The following DNAH6 variants were observed in gnomAD, a reference collection of about 807,000 sequenced individuals.
The protein encoded by DNAH6 is axonemal beta dynein heavy chain 6.
In DNAH6, 340 loss-of-function variants were observed where a neutral mutation model predicts 491.4. That is an observed-to-expected ratio of 0.69 (90% CI 0.63 to 0.76). The LOEUF (loss-of-function observed/expected upper bound fraction) is 0.76. DNAH6 is among the 30% of genes least tolerant of loss of function. DNAH6 has a pLI of 0.00. For synonymous variants in DNAH6, 1,603 were observed against 1,686.1 expected, an observed-to-expected ratio of 0.95 and a Z score of 1.21; for missense variants, 4,443 against 4,972.2, an observed-to-expected ratio of 0.89 and a Z score of 3.20.
chr2:84,657,095 C>G (rs1389402363), intron 35 of DNAH6, among the ~76,000 whole-genome samples: 1 of 152,038 alleles, frequency 6.6e-6, no homozygotes, highest in Non-Finnish European at 1.5e-5. Context: ...ACTGTCCTTT[C>G]TCCATCAGAT....
Position 84,670,453 on chromosome 2 carries a change from G to A in DNAH6, c.6432G>A (p.Glu2144=), listed in dbSNP as rs1353016187. The change falls in exon 39 of 77, where the codon GAG becomes GAA. Residue 2144 remains glutamate (E), a synonymous_variant. Transcript: ENST00000389394. ...AAGAGATCATTGAGTCAAAACTGGAGAGAAAAAGAAAAAATATTCTAGGTA... is the reference window on the plus strand; with the variant it reads ...AAGAGATCATTGAGTCAAAACTGGAAAGAAAAAGAAAAAATATTCTAGGTA... ...RTQEIIESKL[E]RKRKNILGAP... 9.8e-6 allele frequency: 15 copies of A among 1,529,594 alleles called. No homozygotes were observed. Among genetic ancestry groups the A allele is most frequent in the Middle Eastern group, 1.7e-4 (1 of 5,918 alleles). 94.8% of individuals were successfully genotyped at this position (1,529,594 alleles called of 1,614,324 possible).
At chr2:84,553,229 C>T (rs143747373) in intron 10 of DNAH6, among the ~76,000 whole-genome samples, 195 bp downstream of exon 10, 44 of 152,310 alleles carry the variant, frequency 2.9e-4, no homozygotes, top group African/African-American at 9.6e-4. Flanking sequence ...TTATCTTTAA[C>T]TTGAGTCAGA....
chr2:84,811,026 G>GCC (rs1679919260), intron 72 of DNAH6, among the ~76,000 whole-genome samples: 1 of 152,206 alleles, frequency 6.6e-6, no homozygotes, highest in Non-Finnish European at 1.5e-5. Flanking sequence ...TATCATGGAG[G>GCC]ATGGTCTTGG....
At chr2:84,622,201 C>G (rs1387190050) in intron 26 of DNAH6, among the ~76,000 whole-genome samples, 1 of 152,312 alleles carries the variant, frequency 6.6e-6, no homozygotes, top group East Asian at 1.9e-4. Flanking sequence ...GATTATCCTT[C>G]TATGACTGAC....
intron 22 of DNAH6, 35 bp from the exon 23 acceptor site, chr2:84,616,851 C>A: frequency 8.5e-7 from 1 of 1,183,276 alleles, no homozygotes; most frequent in Non-Finnish European, 1.1e-6. Flanking sequence ...GATTTTAACA[C>A]AGTTTTACCA....
At chr2:84,743,206 G>A (rs1672671148) in intron 62 of DNAH6, among the ~76,000 whole-genome samples, 1 of 152,170 alleles carries the variant, frequency 6.6e-6, no homozygotes, top group South Asian at 2.1e-4. Context: ...GAAAAGCAAA[G>A]TAATTATAGG....
chr2:84,665,989 A>G lies in DNAH6; in HGVS notation c.6085-3300A>G, dbSNP rs141504739. ...CGTAATGCATCATATAAACAGAACC[A>G]GTGACAAAAACCACATGATTATCTC... On this transcript the variant is annotated intron_variant, in intron 37 of 76. Transcript: ENST00000389394. Among the ~76,000 whole-genome samples, 895 of 152,324 alleles carry G rather than the reference A, an allele frequency of 5.9e-3. 10 individuals are homozygous for G. Among genetic ancestry groups the G allele is most frequent in the Non-Finnish European group, 6.0e-3 (411 of 68,030 alleles).
chr2:84,670,913 T>C (rs1692681235), intron 39 of DNAH6, among the ~76,000 whole-genome samples: 1 of 152,164 alleles, frequency 6.6e-6, no homozygotes, highest in South Asian at 2.1e-4. Flanking sequence ...TATTAACTGC[T>C]TAGATAACTA....
chr2:84,545,975 T>G (rs1165345388), intron 5 of DNAH6, among the ~76,000 whole-genome samples: 4 of 152,224 alleles, frequency 2.6e-5, no homozygotes, highest in African/African-American at 7.2e-5. Flanking sequence ...TTTTAGTATA[T>G]TCACAGAATT....
intron 56 of DNAH6, among the ~76,000 whole-genome samples, chr2:84,712,378 C>T (rs1158189950): frequency 2.0e-5 from 3 of 152,036 alleles, no homozygotes; most frequent in East Asian, 3.9e-4. Context: ...GCCATGGGAC[C>T]CCCATCACAT....
chr2:84,751,658 C>A (rs1206892095), intron 63 of DNAH6, among the ~76,000 whole-genome samples: 1 of 152,202 alleles, frequency 6.6e-6, no homozygotes, highest in Admixed American at 6.5e-5. Context: ...AAAAAAACTA[C>A]CGTAATTCAG....
intron 62 of DNAH6, among the ~76,000 whole-genome samples, chr2:84,743,570 C>G (rs544820327): frequency 1.6e-4 from 25 of 152,262 alleles, no homozygotes; most frequent in African/African-American, 4.6e-4. Flanking sequence ...GCCTGTAATC[C>G]TAGCACTTTT....
chr2:84,561,202 G>T (rs934085540), intron 11 of DNAH6, among the ~76,000 whole-genome samples: 1 of 152,098 alleles, frequency 6.6e-6, no homozygotes, highest in African/African-American at 2.4e-5. Context: ...ATAGATCAAT[G>T]GAACAGAACA....
intron 64 of DNAH6, among the ~76,000 whole-genome samples, chr2:84,769,524 C>T (rs181658438): frequency 1.3e-5 from 2 of 152,186 alleles, no homozygotes; most frequent in Non-Finnish European, 2.9e-5. Context: ...CTTACCCCAA[C>T]CCTCATTCTC....
In DNAH6 at chr2:84,804,068, G is replaced by A. The variant is rs141845863; in HGVS notation, c.11482-1597G>A. On this transcript the variant is annotated intron_variant, in intron 70 of 76. Coordinates refer to ENST00000389394, the MANE Select transcript of DNAH6 (RefSeq NM_001370.2). ...CTAAAACTATAAAAATTAGCCAGGC[G>A]TGGTGACAGGTGCCTGTAATCCCAG... is the stretch of plus-strand genomic sequence containing the variant. Among the ~76,000 whole-genome samples, 729 of 152,074 alleles carry A rather than the reference G, an allele frequency of 4.8e-3. 2 individuals carry two copies. Among genetic ancestry groups the A allele is most frequent in the East Asian group, 9.1e-3 (47 of 5,176 alleles).
intron 17 of DNAH6, among the ~76,000 whole-genome samples, 159 bp from the exon 18 acceptor site, chr2:84,595,487 A>G (rs1477305397): frequency 6.6e-6 from 1 of 152,224 alleles, no homozygotes; most frequent in Non-Finnish European, 1.5e-5. Context: ...TAAACAGGTG[A>G]TGCTGGATAT....
chr2:84,477,835 T>C, the DNAH6 span, among the ~76,000 whole-genome samples: 1 of 152,354 alleles, frequency 6.6e-6, no homozygotes, highest in African/African-American at 2.4e-5. Context: ...AGAATCGGGA[T>C]GTGCTAAAGC....
At chr2:84,733,811 T>C (rs1050684329) in intron 62 of DNAH6, among the ~76,000 whole-genome samples, 3 of 152,180 alleles carry the variant, frequency 2.0e-5, no homozygotes, top group Admixed American at 1.3e-4. Context: ...ACACCATATA[T>C]TTTATGTATA....
At chr2:84,635,254 A>G (rs1042560951) in intron 30 of DNAH6, among the ~76,000 whole-genome samples, 20 of 152,236 alleles carry the variant, frequency 1.3e-4, no homozygotes, top group African/African-American at 4.3e-4. Context: ...AAAAGAAATC[A>G]TGACTTGGAC....
Sources: allele counts gnomAD v4.1 joint callset (sites outside exome capture counted in the v4.1 genomes callset), GRCh38; gene constraint gnomAD v4.1.1; transcripts MANE v1.5; gene names NCBI Gene and HGNC (gene_info 2026-07-23, HGNC 2026-07-21).